Variants in UBE2V1 observed in about 807,000 individuals in gnomAD.
UBE2V1 encodes ubiquitin conjugating enzyme E2 V1.
A neutral mutation model predicts 19.6 loss-of-function variants in UBE2V1; 15 were observed. The ratio of observed to expected loss-of-function variants is 0.77; its 90% confidence interval spans 0.51 to 1.18. The LOEUF (loss-of-function observed/expected upper bound fraction) is 1.18, where lower values mean the gene tolerates loss of function less well. Ranked by LOEUF, UBE2V1 falls within the 50% of genes most tolerant of loss-of-function variation. UBE2V1 has a pLI of 0.00. For synonymous variants in UBE2V1, 60 were observed against 60.7 expected, an observed-to-expected ratio of 0.99 and a Z score of 0.05; for missense variants, 125 against 184.8, an observed-to-expected ratio of 0.68 and a Z score of 1.88.
chr20:50,109,747 C>CAAA (rs11468343), intron 1 of UBE2V1, among the ~76,000 whole-genome samples: 2 of 89,550 alleles, frequency 2.2e-5, no homozygotes, highest in African/African-American at 8.4e-5. Flanking sequence ...AACTCCGTCT[C>CAAA]AAAAAAAAAA....
chr20:50,096,541 A>C (rs2079637753), intron 2 of UBE2V1, 131 bp downstream of exon 2: 2 of 1,588,598 alleles, frequency 1.3e-6, no homozygotes, highest in Non-Finnish European at 1.7e-6. Context: ...GAAACTGGTC[A>C]AAAAAGAATA....
At chr20:50,096,379 C>G (rs1208540722) in intron 2 of UBE2V1, 1 of 513,696 alleles carries the variant, frequency 1.9e-6, no homozygotes, top group Non-Finnish European at 3.2e-6. Flanking sequence ...TTGGTTAGCC[C>G]AGAGATTGTT....
chr20:50,115,271 G>A (rs1041155902), upstream of UBE2V1, among the ~76,000 whole-genome samples: 3 of 152,118 alleles, frequency 2.0e-5, no homozygotes, highest in Non-Finnish European at 2.9e-5. Context: ...ATCCCCTCAG[G>A]GAAGCCTTCC....
chr20:50,105,938 CAAA>C (rs910680982), intron 1 of UBE2V1, among the ~76,000 whole-genome samples: 1 of 150,956 alleles, frequency 6.6e-6, no homozygotes, highest in Non-Finnish European at 1.5e-5. Flanking sequence ...AAACAAAAAA[CAAA>C]AAAACAAAAA....
chr20:50,113,143 G>A lies in UBE2V1; in HGVS notation c.-15C>T, dbSNP rs1159868014. 1 of 1,341,864 alleles carries A rather than the reference G, an allele frequency of 7.5e-7. No individual in the cohort carries two copies. Among genetic ancestry groups the A allele is most frequent in the Non-Finnish European group, 9.7e-7 (1 of 1,032,974 alleles). The allele number at this position is 1,341,864 out of a possible 1,614,324, so 83.1% of individuals were successfully genotyped here. A position where few individuals can be genotyped will look rare whatever the true frequency, so the allele number is the denominator to read the frequency against. On this transcript the variant is annotated 5_prime_UTR_variant, in exon 1 of 4. Coordinates refer to ENST00000371674, the MANE Select transcript of UBE2V1 (RefSeq NM_001032288.3). ...GTGGCTGCCATCTTGCGTCGCTCTT[G>A]CTTGAAGGCCGGCCCCTTCTTCACC... is the stretch of plus-strand genomic sequence containing the variant.
At chr20:50,099,118 C>T (rs2147108460) in intron 1 of UBE2V1, 1 of 243,274 alleles carries the variant, frequency 4.1e-6, no homozygotes, top group Admixed American at 6.5e-5. Flanking sequence ...GGTTAATTTA[C>T]AAGCCTGCAC....
chr20:50,085,553 G>A (rs1269216828), intron 2 of UBE2V1, among the ~76,000 whole-genome samples: 6 of 151,850 alleles, frequency 4.0e-5, no homozygotes, highest in Non-Finnish European at 7.4e-5. Context: ...TGCCTTCTCC[G>A]GCATCAGTAC....
At chr20:50,097,371 T>G (rs1278163623) in intron 1 of UBE2V1, among the ~76,000 whole-genome samples, 1 of 152,224 alleles carries the variant, frequency 6.6e-6, no homozygotes, top group Non-Finnish European at 1.5e-5. Flanking sequence ...ATAGTTTCTC[T>G]TTTAACTTAC....
chr20:50,106,571 C>T (rs1317585478), intron 1 of UBE2V1, among the ~76,000 whole-genome samples: 1 of 152,162 alleles, frequency 6.6e-6, no homozygotes, highest in African/African-American at 2.4e-5. Flanking sequence ...TGGCTCACAC[C>T]TGTAATCCCA....
chr20:50,088,723 C>G (rs1468714811), intron 2 of UBE2V1, among the ~76,000 whole-genome samples: 2 of 147,250 alleles, frequency 1.4e-5, no homozygotes, highest in Non-Finnish European at 3.0e-5. Context: ...GAGGTCAAGG[C>G]TACAGTGAGC....
At chr20:50,085,110 G>A (rs972927946) in intron 2 of UBE2V1, among the ~76,000 whole-genome samples, 8 of 151,742 alleles carry the variant, frequency 5.3e-5, no homozygotes, top group African/African-American at 1.5e-4. Context: ...GGCTGGTCTC[G>A]AACTCCTGAC....
At chr20:50,087,254 G>A (rs2078971917) in intron 2 of UBE2V1, among the ~76,000 whole-genome samples, 1 of 151,876 alleles carries the variant, frequency 6.6e-6, no homozygotes, top group Non-Finnish European at 1.5e-5. Flanking sequence ...AAATTAGCCA[G>A]GCATATTGGC....
intron 1 of UBE2V1, 140 bp downstream of exon 1, chr20:50,112,967 C>A: frequency 2.5e-6 from 1 of 396,902 alleles, no homozygotes. Context: ...CCGGTCAGGC[C>A]GCGCCGGTGG....
chr20:50,106,882 A>AC (rs1480591361), intron 1 of UBE2V1, among the ~76,000 whole-genome samples: 3 of 150,714 alleles, frequency 2.0e-5, no homozygotes, highest in African/African-American at 7.5e-5. Context: ...AACAAAAAAA[A>AC]AAAAACAAAA....
chr20:50,082,558 G>A lies in UBE2V1; in HGVS notation c.*210C>T. ...GGACAGTGGTTACACTTGACAGGATGATTTGTTATAGCACAACTTATATAT... is the reference window on the plus strand; with the variant it reads ...GGACAGTGGTTACACTTGACAGGATAATTTGTTATAGCACAACTTATATAT... On this transcript the variant is annotated 3_prime_UTR_variant, in exon 4 of 4. Transcript: ENST00000371674. 1.1e-6 allele frequency: 1 copy of A among 886,030 alleles called. No homozygotes were observed. The highest frequency in any genetic ancestry group is 1.6e-6 in the Non-Finnish European group (1 of 620,876). 54.9% of individuals were successfully genotyped at this position (886,030 alleles called of 1,614,324 possible).
chr20:50,113,175 T>A (rs776236174), upstream of UBE2V1: 4 of 771,166 alleles, frequency 5.2e-6, no homozygotes, highest in Non-Finnish European at 6.8e-6. Context: ...CACCCCCCCC[T>A]TACCCGTCCC....
chr20:50,102,911 G>A (rs571545823), intron 1 of UBE2V1, among the ~76,000 whole-genome samples: 2 of 152,220 alleles, frequency 1.3e-5, no homozygotes, highest in East Asian at 3.9e-4. Context: ...CTTACATCCC[G>A]CCTTTGTATT....
upstream of UBE2V1, chr20:50,113,313 G>A: frequency 7.0e-6 from 3 of 426,770 alleles, no homozygotes. Flanking sequence ...ATATCTGCGT[G>A]CTCGAGGGCC....
chr20:50,091,643 T>C (rs553913697), intron 2 of UBE2V1, among the ~76,000 whole-genome samples: 69 of 152,202 alleles, frequency 4.5e-4, no homozygotes, highest in African/African-American at 1.6e-3. Context: ...TCTGCCCGCC[T>C]TGGCCTCCCA....
Sources: allele counts gnomAD v4.1 joint callset (sites outside exome capture counted in the v4.1 genomes callset), GRCh38; gene constraint gnomAD v4.1.1; transcripts MANE v1.5; gene names NCBI Gene and HGNC (gene_info 2026-07-23, HGNC 2026-07-21).